SLC38A8: variants seen among roughly 807,000 people sequenced by gnomAD.
The protein encoded by SLC38A8 is solute carrier family 38 member 8.
SLC38A8 carries 65 observed loss-of-function variants against 46.0 expected under a neutral mutation model. The observed-to-expected ratio is 1.41, with a 90% CI of 1.16 to 1.74. The LOEUF is 1.74. Among genes scored for constraint, SLC38A8 ranks in the 40% most tolerant of loss-of-function variants. SLC38A8 has a pLI of 0.00. For missense variants in SLC38A8, 998 were observed against 567.9 expected (o/e 1.76, Z -7.70); for synonymous variants, 447 against 243.7 (o/e 1.83, Z -7.77).
At position 84,029,570 on chromosome 16, in the gene SLC38A8, A is replaced by G. The variant is rs1472231192; in HGVS notation, c.633-19T>C. ...GGCAGGGCTGTAAACAGACAAGAAC[A>G]GGAGTTTATTAAAGAAGGGTCACAC... On this transcript the variant is annotated intron_variant, in intron 5 of 10. Coordinates refer to ENST00000299709, the MANE Select transcript of SLC38A8 (RefSeq NM_001080442.3). 1 of 1,613,594 alleles carries G rather than the reference A, an allele frequency of 6.2e-7. No homozygotes were observed. The highest frequency in any genetic ancestry group is 1.7e-5 in the Admixed American group (1 of 59,978).
At chr16:84,032,520 G>A (rs1462147822) in intron 4 of SLC38A8, among the ~76,000 whole-genome samples, 1 of 152,182 alleles carries the variant, frequency 6.6e-6, no homozygotes, top group Non-Finnish European at 1.5e-5. Flanking sequence ...CGCCCTTCGG[G>A]ATGGCAGCTG....
At chr16:84,041,693 G>A (rs575818882) in intron 2 of SLC38A8, among the ~76,000 whole-genome samples, 13 of 152,176 alleles carry the variant, frequency 8.5e-5, no homozygotes, top group Admixed American at 1.3e-4. Flanking sequence ...TTCCTTCCCA[G>A]GTGAAATGCC....
chr16:84,027,127 A>G (rs2085173421), intron 6 of SLC38A8, among the ~76,000 whole-genome samples: 1 of 152,144 alleles, frequency 6.6e-6, no homozygotes, highest in Admixed American at 6.6e-5. Flanking sequence ...TGAGGTGGGC[A>G]GATCAAAAGG....
At chr16:84,041,922 A>C in intron 2 of SLC38A8, 47 bp downstream of exon 2, 1 of 1,510,550 alleles carries the variant, frequency 6.6e-7, no homozygotes, top group South Asian at 1.3e-5. Context: ...CAGAAAAGCC[A>C]AAGCCACCTC....
Position 84,013,153 on chromosome 16 carries a change from C to A in SLC38A8, c.1163-101G>T, listed in dbSNP as rs867840710. On this transcript the variant is annotated intron_variant, in intron 9 of 10. Coordinates refer to ENST00000299709, the MANE Select transcript of SLC38A8 (RefSeq NM_001080442.3). ...TCAGGGACCCAGGAGGCCAGCAAGG[C>A]CTCCGCCCATGGGTGCCCCTGGCTC... The A allele has an allele frequency of 4.3e-6, 6 of 1,391,498 alleles. No individual in the cohort carries two copies. The African/African-American group carries it at 5.7e-5, about 13-fold the overall frequency. 86.2% of individuals were successfully genotyped at this position (1,391,498 alleles called of 1,614,324 possible).
rs747357201 is a variant in SLC38A8 at position 84,041,990 on chromosome 16, G to A, written c.168C>T (p.Val56=). The stretch of plus-strand genomic sequence containing the variant: ...TTACCAGCTCCACCAGGAAGGCAGG[G>A]ACCACTCCGCCCGCTTTGGAGAAGG... ...PWAFSKAGGV[V]PAFLVELVSL... Residue 56 remains valine, a synonymous_variant, in exon 2 of 11, where the codon GTC becomes GTT. Coordinates refer to ENST00000299709, the MANE Select transcript of SLC38A8 (RefSeq NM_001080442.3). 2.5e-6 allele frequency: 4 copies of A among 1,604,940 alleles called. No individual in the cohort carries two copies. Among genetic ancestry groups the A allele is most frequent in the Admixed American group, 1.7e-5 (1 of 59,068 alleles).
chr16:84,010,105 C>T (rs1050338971), intron 10 of SLC38A8, among the ~76,000 whole-genome samples: 1 of 114,668 alleles, frequency 8.7e-6, no homozygotes, highest in Admixed American at 1.2e-4. Context: ...GAGTCTCATT[C>T]TGTTGCCTAG....
rs373246575 is a variant in SLC38A8 at position 84,029,572 on chromosome 16, G to C, written c.633-21C>G. On this transcript the variant is annotated intron_variant, in intron 5 of 10. Transcript: ENST00000299709. ...CAGGGCTGTAAACAGACAAGAACAG[G>C]AGTTTATTAAAGAAGGGTCACACCC... The C allele has an allele frequency of 1.5e-5, 24 of 1,613,504 alleles. No individual in the cohort carries two copies. In the African/African-American group the frequency reaches 2.0e-4, roughly 13 times the overall value.
intron 9 of SLC38A8, among the ~76,000 whole-genome samples, chr16:84,014,196 G>A (rs982939148): frequency 1.2e-4 from 18 of 151,646 alleles, no homozygotes; most frequent in Admixed American, 5.2e-4. Context: ...CCAGAGCCAA[G>A]GGAGGAGCTG....
At chr16:84,035,396 C>A (rs569114376) in intron 3 of SLC38A8, among the ~76,000 whole-genome samples, 2 of 152,206 alleles carry the variant, frequency 1.3e-5, no homozygotes, top group Admixed American at 6.5e-5. Context: ...AAGAGACACA[C>A]AGAACACACA....
chr16:84,029,063 C>T (rs970854655), intron 6 of SLC38A8, among the ~76,000 whole-genome samples: 1 of 152,096 alleles, frequency 6.6e-6, no homozygotes, highest in Non-Finnish European at 1.5e-5. Context: ...GAGGCAGGAT[C>T]TTTCCTGCCC....
intron 6 of SLC38A8, among the ~76,000 whole-genome samples, chr16:84,028,651 G>C (rs987459362): frequency 3.3e-5 from 5 of 151,114 alleles, no homozygotes; most frequent in Non-Finnish European, 5.9e-5. Context: ...TGACAGCCCA[G>C]AAGCAGAGGA....
chr16:84,040,271 G>C (rs1485289263), intron 2 of SLC38A8, among the ~76,000 whole-genome samples: 4 of 152,168 alleles, frequency 2.6e-5, no homozygotes, highest in Non-Finnish European at 4.4e-5. Context: ...AGCGTGTCAA[G>C]AGCCAGGCTG....
chr16:84,027,660 C>T (rs967422858), intron 6 of SLC38A8, among the ~76,000 whole-genome samples: 1 of 152,200 alleles, frequency 6.6e-6, no homozygotes, highest in Non-Finnish European at 1.5e-5. Context: ...GCAGCCCCCA[C>T]CTCTAGCCTG....
intron 5 of SLC38A8, among the ~76,000 whole-genome samples, chr16:84,030,311 C>A (rs1465452395): frequency 6.6e-6 from 1 of 152,130 alleles, no homozygotes; most frequent in Non-Finnish European, 1.5e-5. Flanking sequence ...AGCCCTCGGA[C>A]ACTCACATAT....
At chr16:84,015,346 T>A (rs944162423) in intron 9 of SLC38A8, among the ~76,000 whole-genome samples, 2 of 152,054 alleles carry the variant, frequency 1.3e-5, no homozygotes, top group African/African-American at 4.8e-5. Context: ...CTTGGGCTGT[T>A]TGGGAAGGTT....
At chr16:84,026,832 C>G (rs1409304419) in intron 6 of SLC38A8, among the ~76,000 whole-genome samples, 1 of 152,136 alleles carries the variant, frequency 6.6e-6, no homozygotes, top group Admixed American at 6.5e-5. Flanking sequence ...AGGTGGCCAT[C>G]GTAGGCAAAT....
At chr16:84,038,233 C>T (rs1347860624) in intron 2 of SLC38A8, among the ~76,000 whole-genome samples, 1 of 151,964 alleles carries the variant, frequency 6.6e-6, no homozygotes, top group Non-Finnish European at 1.5e-5. Context: ...ATCACTTGAA[C>T]CCAAGAGGCG....
At chr16:84,018,749 G>A (rs576102591) in intron 7 of SLC38A8, among the ~76,000 whole-genome samples, 2 of 152,294 alleles carry the variant, frequency 1.3e-5, no homozygotes, top group South Asian at 4.1e-4. Flanking sequence ...GTCTGATGAA[G>A]CGGCCGAAAT....
Sources: allele counts gnomAD v4.1 joint callset (sites outside exome capture counted in the v4.1 genomes callset), GRCh38; gene constraint gnomAD v4.1.1; transcripts MANE v1.5; gene names NCBI Gene and HGNC (gene_info 2026-07-23, HGNC 2026-07-21).